Variants in MAFG observed in about 807,000 individuals in gnomAD.
The protein encoded by MAFG is transcription factor MafG.
MAFG carries 3 observed loss-of-function variants against 12.2 expected under a neutral mutation model. The observed-to-expected ratio is 0.25, with a 90% CI of 0.11 to 0.64. MAFG has a LOEUF of 0.64. Ranked by LOEUF, MAFG falls within the 30% of genes least tolerant of loss-of-function variation. MAFG has a pLI of 0.85. For synonymous variants in MAFG, 126 were observed against 109.1 expected, an observed-to-expected ratio of 1.15 and a Z score of -0.96; for missense variants, 153 against 235.5, an observed-to-expected ratio of 0.65 and a Z score of 2.29.
chr17:81,929,240 C>T (rs1412190338), upstream of MAFG, among the ~76,000 whole-genome samples: 1 of 152,214 alleles, frequency 6.6e-6, no homozygotes. The surrounding 1 kb of genome is among the most constrained non-coding windows in gnomAD (Gnocchi z 5.7). Flanking sequence ...GAGCCTCAGT[C>T]CTCCCCTCCC....
chr17:81,923,242 C>A (rs1474049900), intron 1 of MAFG, 28 bp from the exon 2 acceptor site: 3 of 1,183,400 alleles, frequency 2.5e-6, no homozygotes, highest in Non-Finnish European at 1.1e-6. Flanking sequence ...GGTCAGTACC[C>A]TGGAGACCAC....
upstream of MAFG, among the ~76,000 whole-genome samples, chr17:81,931,081 A>G (rs2143840389): frequency 6.6e-6 from 1 of 152,216 alleles, no homozygotes; most frequent in South Asian, 2.1e-4. Context: ...GCACGTCAGG[A>G]GCCTCCTGTG....
upstream of MAFG, chr17:81,930,255 A>C (rs923117730): frequency 3.3e-5 from 5 of 152,304 alleles, no homozygotes; most frequent in African/African-American, 4.8e-5. The surrounding 1 kb of genome is among the most constrained non-coding windows in gnomAD (Gnocchi z 4.1). Context: ...CCAGAGTCTG[A>C]GCCTGTCCTG....
chr17:81,930,126 C>G (rs1340266965), upstream of MAFG: 1 of 152,470 alleles, frequency 6.6e-6, no homozygotes, highest in Non-Finnish European at 1.5e-5. This position sits in a 1 kb window ranked among gnomAD's most constrained non-coding sequence, Gnocchi z 4.1. Context: ...GAGGGAGGTG[C>G]TAGCGTCCAC....
intron 1 of MAFG, among the ~76,000 whole-genome samples, chr17:81,925,547 A>G (rs913816529): frequency 1.3e-5 from 2 of 152,178 alleles, no homozygotes; most frequent in African/African-American, 4.8e-5. Flanking sequence ...GGTGGCTCAC[A>G]CCTGTAATCC....
At chr17:81,923,687 C>G (rs944471384) in intron 1 of MAFG, among the ~76,000 whole-genome samples, 1 of 152,154 alleles carries the variant, frequency 6.6e-6, no homozygotes, top group Non-Finnish European at 1.5e-5. Context: ...CAGCGCCCCA[C>G]GAGAGCCGCA....
Position 81,918,635 on chromosome 17 carries a change from C to G in MAFG, c.*3970G>C, listed in dbSNP as rs1373699742. The G allele has an allele frequency of 6.5e-6, 1 of 152,856 alleles. No individual in the cohort carries two copies. Among genetic ancestry groups the G allele is most frequent in the Non-Finnish European group, 1.5e-5 (1 of 68,252 alleles). The allele number at this position is 152,856 out of a possible 1,614,324, so 9.5% of individuals were successfully genotyped here. A position where few individuals can be genotyped will look rare whatever the true frequency, so the allele number is the denominator to read the frequency against. ...CTAGGCAGGGCAGGCAGGGACTGAT[C>G]AACTCTGCTTGGACCCACCTCTCAG... is the stretch of plus-strand genomic sequence containing the variant. On this transcript the variant is annotated 3_prime_UTR_variant, in exon 3 of 3. Coordinates refer to ENST00000357736, the MANE Select transcript of MAFG (RefSeq NM_002359.4).
rs549331524 is a variant in MAFG, at chr17:81,926,627, T to A, written c.-30+901A>T. On this transcript the variant is annotated intron_variant, in intron 1 of 2. Coordinates refer to ENST00000357736, the MANE Select transcript of MAFG (RefSeq NM_002359.4). This position sits in a 1 kb window ranked among gnomAD's most constrained non-coding sequence, Gnocchi z 4.6. ...CACCGAAGCTCCTCCCCTCCCTCAC[T>A]CAGGGAACTATTTCCCAGTTTGGAA... Among the ~76,000 whole-genome samples, 37 of 152,010 alleles carry A rather than the reference T, an allele frequency of 2.4e-4. No homozygotes were observed. The highest frequency in any genetic ancestry group is 3.4e-3 in the Middle Eastern group (1 of 294).
rs774342159 is a variant in MAFG, at chr17:81,923,207, G to C, written c.-22C>G. On this transcript the variant is annotated 5_prime_UTR_variant, in exon 2 of 3. Transcript: ENST00000357736. The stretch of plus-strand genomic sequence containing the variant: ...TCATAACCCGGGGGCACAGCGAGCA[G>C]GCGCTCTCTGCAAGACACGGAGCAG... 4.4e-6 allele frequency: 7 copies of C among 1,587,114 alleles called. No homozygotes were observed. The highest frequency in any genetic ancestry group is 5.1e-6 in the Non-Finnish European group (6 of 1,166,382).
Position 81,924,841 on chromosome 17 carries a change from C to T in MAFG, c.-29-1627G>A, listed in dbSNP as rs1163245595. On this transcript the variant is annotated intron_variant, in intron 1 of 2. Coordinates refer to ENST00000357736, the MANE Select transcript of MAFG (RefSeq NM_002359.4). The surrounding 1 kb of genome is among the most constrained non-coding windows in gnomAD (Gnocchi z 4.7). ...TTGAGTGCAAGTCAGGGTGCAGAGA[C>T]ACTGCCCTGGCACCAGCTTCTCCCA... Among the ~76,000 whole-genome samples, 1 of 152,234 alleles carries T rather than the reference C, an allele frequency of 6.6e-6. No individual in the cohort carries two copies. Among genetic ancestry groups the T allele is most frequent in the Non-Finnish European group, 1.5e-5 (1 of 68,036 alleles).
rs2040887193 is a variant in MAFG at position 81,921,318 on chromosome 17, A to C, written c.*1287T>G. 2 of 152,446 alleles carry C rather than the reference A, an allele frequency of 1.3e-5. No individual in the cohort carries two copies. The highest frequency in any genetic ancestry group is 4.8e-5 in the African/African-American group (2 of 41,488). The allele number at this position is 152,446 out of a possible 1,614,324, so 9.4% of individuals were successfully genotyped here. A position where few individuals can be genotyped will look rare whatever the true frequency, so the allele number is the denominator to read the frequency against. On this transcript the variant is annotated 3_prime_UTR_variant, in exon 3 of 3. Transcript: ENST00000357736. ...AGCCCAGGTCCAGCAAGCCAGCAGA[A>C]GCAAAAGCACAACTAAACCCAAAAA...
chr17:81,926,988 G>C lies in MAFG; in HGVS notation c.-30+540C>G, dbSNP rs994031996. Among the ~76,000 whole-genome samples the C allele has an allele frequency of 1.2e-4, 18 of 152,042 alleles. 1 individual carries two copies. The highest frequency in any genetic ancestry group is 2.4e-4 in the Non-Finnish European group (16 of 67,980). Reference sequence around the variant, plus strand: ...CTGATGACTCAGCAAGTCTCCCTCCGGGCTCTGGCACGCGACTGACGGAAC... The same window carrying C: ...CTGATGACTCAGCAAGTCTCCCTCCCGGCTCTGGCACGCGACTGACGGAAC... On this transcript the variant is annotated intron_variant, in intron 1 of 2. Transcript: ENST00000357736. The surrounding 1 kb of genome is among the most constrained non-coding windows in gnomAD (Gnocchi z 4.6).
At chr17:81,928,877 C>T (rs1210428090), upstream of MAFG, among the ~76,000 whole-genome samples, 3 of 152,198 alleles carry the variant, frequency 2.0e-5, no homozygotes, top group African/African-American at 7.2e-5. This position sits in a 1 kb window ranked among gnomAD's most constrained non-coding sequence, Gnocchi z 8.1. Flanking sequence ...GAGGGGAGGG[C>T]GCCCTGAGCC....
intron 1 of MAFG, 89 bp from the exon 2 acceptor site, chr17:81,923,303 T>G: frequency 4.2e-6 from 3 of 709,838 alleles, no homozygotes; most frequent in Non-Finnish European, 6.0e-6. Flanking sequence ...CAAGAGCCCT[T>G]GCCGCACAGC....
chr17:81,922,271 C>G lies in MAFG; in HGVS notation c.*334G>C. ...CGGGGACACGCGAGGCCCAGCGTGC[C>G]TGCTCCTTCTCTCTCCCGCAACTCT... is the stretch of plus-strand genomic sequence containing the variant. On this transcript the variant is annotated 3_prime_UTR_variant, in exon 3 of 3. Transcript: ENST00000357736. The G allele has an allele frequency of 5.3e-6, 1 of 189,828 alleles. No individual in the cohort carries two copies. Among genetic ancestry groups the G allele is most frequent in the Non-Finnish European group, 1.1e-5 (1 of 93,122 alleles). 11.8% of individuals were successfully genotyped at this position (189,828 alleles called of 1,614,324 possible).
rs1300959214 is a variant in MAFG, at chr17:81,922,550, A to C, written c.*55T>G. 2 of 1,333,696 alleles carry C rather than the reference A, an allele frequency of 1.5e-6. No homozygotes were observed. Among genetic ancestry groups the C allele is most frequent in the African/African-American group, 3.1e-5 (2 of 65,072 alleles). The allele number at this position is 1,333,696 out of a possible 1,614,324, so 82.6% of individuals were successfully genotyped here. A position where few individuals can be genotyped will look rare whatever the true frequency, so the allele number is the denominator to read the frequency against. ...AGGAAACAGAGGGACAGGGCAGCCA[A>C]ATTCGCCATGTGCCTAGTGGCCCCG... On this transcript the variant is annotated 3_prime_UTR_variant, in exon 3 of 3. Coordinates refer to ENST00000357736, the MANE Select transcript of MAFG (RefSeq NM_002359.4).
Position 81,924,202 on chromosome 17 carries a change from G to C in MAFG, c.-29-988C>G, listed in dbSNP as rs935574562. ...CCTCCGAGCTGCAGCCTGCTCTCTGGTCCCTGCCCCGGGTGAGTGCCCACA... is the reference window on the plus strand; with the variant it reads ...CCTCCGAGCTGCAGCCTGCTCTCTGCTCCCTGCCCCGGGTGAGTGCCCACA... On this transcript the variant is annotated intron_variant, in intron 1 of 2. Transcript: ENST00000357736. This position sits in a 1 kb window ranked among gnomAD's most constrained non-coding sequence, Gnocchi z 4.7. The C allele has an allele frequency of 4.3e-4, 65 of 152,286 alleles. No homozygotes were observed. The highest frequency in any genetic ancestry group is 1.4e-3 in the African/African-American group (59 of 41,472). The allele number at this position is 152,286 out of a possible 1,614,324, so 9.4% of individuals were successfully genotyped here.
chr17:81,923,417 C>G lies in MAFG; in HGVS notation c.-29-203G>C, dbSNP rs79001837. The G allele has an allele frequency of 0.03, 13,714 of 462,062 alleles. 1,329 individuals carry two copies. The highest frequency in any genetic ancestry group is 0.28 in the East Asian group (7,881 of 27,828). The allele number at this position is 462,062 out of a possible 1,614,324, so 28.6% of individuals were successfully genotyped here. ...GAGCTGCTTCCTGTCCACCCTGCCC[C>G]TAGAGAACCAGGTGGGAGGTCAGGA... On this transcript the variant is annotated intron_variant, in intron 1 of 2. Transcript: ENST00000357736.
Position 81,924,583 on chromosome 17 carries a change from G to A in MAFG, c.-29-1369C>T. On this transcript the variant is annotated intron_variant, in intron 1 of 2. Transcript: ENST00000357736. The surrounding 1 kb of genome is among the most constrained non-coding windows in gnomAD (Gnocchi z 4.7). ...CTCCACCTCACCCAGCCTGGGACCA[G>A]GAGGTGAGGCTGCAAGCACAGAGCA... 6.6e-6 allele frequency: 1 copy of A among 152,366 alleles called. No individual in the cohort carries two copies. Among genetic ancestry groups the A allele is most frequent in the African/African-American group, 2.4e-5 (1 of 41,564 alleles). 9.4% of individuals were successfully genotyped at this position (152,366 alleles called of 1,614,324 possible).
Sources: allele counts gnomAD v4.1 joint callset (sites outside exome capture counted in the v4.1 genomes callset), GRCh38; gene constraint gnomAD v4.1.1; non-coding constraint Gnocchi (gnomAD v3.1); transcripts MANE v1.5; gene names NCBI Gene and HGNC (gene_info 2026-07-23, HGNC 2026-07-21).